The following GRIK2 variants were observed in gnomAD, a reference collection of about 807,000 sequenced individuals.
GRIK2 encodes the protein glutamate ionotropic receptor kainate type subunit 2.
In GRIK2, 32 loss-of-function variants were observed where a neutral mutation model predicts 100.3. That is an observed-to-expected ratio of 0.32 (90% CI 0.24 to 0.43). The LOEUF is 0.43. Among genes scored for constraint, GRIK2 ranks in the 20% least tolerant of loss-of-function variants. The probability of loss-of-function intolerance (pLI) is 1.00; values close to 1 mark genes in which losing one functional copy is unlikely to be tolerated. For synonymous variants in GRIK2, 417 were observed against 389.4 expected (o/e 1.07, Z -0.83); for missense variants, 843 against 1,114.9 (o/e 0.76, Z 3.47).
chr6:101,537,461 T>TGTGC (rs1775768386), intron 2 of GRIK2, among the ~76,000 whole-genome samples: 1 of 150,930 alleles, frequency 6.6e-6, no homozygotes, highest in Admixed American at 6.7e-5. Context: ...TGTGCGTGTG[T>TGTGC]GTGTGTGTGT....
At position 101,992,519 on chromosome 6, in the gene GRIK2, T is replaced by A. The variant is rs1403045327; in HGVS notation, c.2086-42822T>A. On this transcript the variant is annotated intron_variant, in intron 14 of 16. Transcript: ENST00000369134. Reference sequence around the variant, plus strand: ...AATGCTTAATGCAGCTCCACTTTGGTATTAATCAGACTGTATGTGGGTGAG... The same window carrying A: ...AATGCTTAATGCAGCTCCACTTTGGAATTAATCAGACTGTATGTGGGTGAG... Among the ~76,000 whole-genome samples, 3 of 151,618 alleles carry A rather than the reference T, an allele frequency of 2.0e-5. No individual in the cohort carries two copies. The Admixed American group carries it at 2.0e-4, about 10-fold the overall frequency.
intron 14 of GRIK2, among the ~76,000 whole-genome samples, chr6:102,016,554 A>T (rs1166346538): frequency 6.6e-6 from 1 of 151,354 alleles, no homozygotes; most frequent in Non-Finnish European, 1.5e-5. Context: ...AAAAATAAAT[A>T]AAAAAATTCA....
intron 7 of GRIK2, among the ~76,000 whole-genome samples, chr6:101,775,744 A>G (rs183607678): frequency 6.6e-6 from 1 of 151,670 alleles, no homozygotes; most frequent in African/African-American, 2.4e-5. Flanking sequence ...AGATTTCTTC[A>G]TATATATATG....
intron 14 of GRIK2, among the ~76,000 whole-genome samples, chr6:101,998,229 A>G (rs866633247): frequency 6.6e-6 from 1 of 152,264 alleles, no homozygotes; most frequent in Non-Finnish European, 1.5e-5. Context: ...TTTAAAACTT[A>G]TGAATTGTTA....
intron 14 of GRIK2, among the ~76,000 whole-genome samples, chr6:101,942,663 T>C (rs1046245707): frequency 1.3e-5 from 2 of 152,146 alleles, no homozygotes; most frequent in Non-Finnish European, 2.9e-5. Context: ...TTGAGCTTGA[T>C]AGAGATGATT....
rs2518304 is a variant in GRIK2 at position 101,706,436 on chromosome 6, G to A, written c.951+20083G>A. Among the ~76,000 whole-genome samples, 461 of 151,696 alleles carry A rather than the reference G, an allele frequency of 3.0e-3. 4 individuals are homozygous for A. The highest frequency in any genetic ancestry group is 0.011 in the African/African-American group (454 of 41,402). Reference sequence around the variant, plus strand: ...TATCTATACTATGCAAACATTGATGGCTTTTTAAAATTTATTTTATATTAT... The same window carrying A: ...TATCTATACTATGCAAACATTGATGACTTTTTAAAATTTATTTTATATTAT... On this transcript the variant is annotated intron_variant, in intron 7 of 16. Coordinates refer to ENST00000369134, the MANE Select transcript of GRIK2 (RefSeq NM_021956.5).
intron 12 of GRIK2, among the ~76,000 whole-genome samples, chr6:101,903,193 G>C (rs1018669046): frequency 4.0e-5 from 6 of 151,812 alleles, no homozygotes; most frequent in African/African-American, 1.4e-4. Flanking sequence ...ATTTTGCTTA[G>C]ATCGCCCTAG....
intron 7 of GRIK2, among the ~76,000 whole-genome samples, chr6:101,693,948 A>T (rs1772293355): frequency 6.6e-6 from 1 of 152,102 alleles, no homozygotes; most frequent in South Asian, 2.1e-4. Flanking sequence ...CACCAATGAT[A>T]TGAGGAAGTC....
chr6:102,031,708 C>G (rs867202517), intron 14 of GRIK2, among the ~76,000 whole-genome samples: 2 of 151,244 alleles, frequency 1.3e-5, no homozygotes, highest in Non-Finnish European at 3.0e-5. Context: ...TATCTGAGAA[C>G]GTGCAATATT....
chr6:101,577,317 CTA>C (rs1439552719), intron 2 of GRIK2, among the ~76,000 whole-genome samples: 1 of 151,892 alleles, frequency 6.6e-6, no homozygotes, highest in Non-Finnish European at 1.5e-5. Context: ...TCATAAAAAG[CTA>C]TATGAATGGT....
intron 15 of GRIK2, among the ~76,000 whole-genome samples, chr6:102,047,332 T>G (rs1770945965): frequency 6.6e-6 from 1 of 151,910 alleles, no homozygotes; most frequent in Admixed American, 6.6e-5. Flanking sequence ...GAGAGGCGAC[T>G]CAAAATCAGA....
At chr6:101,429,679 T>C (rs1769268122) in intron 2 of GRIK2, among the ~76,000 whole-genome samples, 1 of 152,148 alleles carries the variant, frequency 6.6e-6, no homozygotes. Flanking sequence ...AGAGGGTTTT[T>C]TTCTTTTTTT....
At chr6:101,427,457 A>T (rs1769100309) in intron 2 of GRIK2, among the ~76,000 whole-genome samples, 1 of 152,184 alleles carries the variant, frequency 6.6e-6, no homozygotes, top group Non-Finnish European at 1.5e-5. Flanking sequence ...TAGCTGGAAA[A>T]TGTGCATGAA....
chr6:101,538,858 G>T (rs1273968764), intron 2 of GRIK2, among the ~76,000 whole-genome samples: 4 of 151,704 alleles, frequency 2.6e-5, no homozygotes, highest in African/African-American at 4.8e-5. Flanking sequence ...TGAATGTTTT[G>T]TGAAATTTAT....
intron 2 of GRIK2, among the ~76,000 whole-genome samples, chr6:101,473,690 T>C (rs1772072183): frequency 6.6e-6 from 1 of 151,894 alleles, no homozygotes; most frequent in African/African-American, 2.4e-5. Flanking sequence ...TGCTGCCAGT[T>C]ATGGGACTGT....
intron 2 of GRIK2, among the ~76,000 whole-genome samples, chr6:101,597,882 G>A (rs758466265): frequency 2.0e-5 from 3 of 151,612 alleles, no homozygotes; most frequent in African/African-American, 7.3e-5. Context: ...CTGCGGTGGC[G>A]CTGGTATTTT....
intron 15 of GRIK2, among the ~76,000 whole-genome samples, chr6:102,042,386 T>C (rs149059936): frequency 3.3e-5 from 5 of 151,700 alleles, no homozygotes; most frequent in Admixed American, 6.6e-5. Flanking sequence ...CTTTCTTTTT[T>C]AGAAGAAAGA....
At chr6:101,744,937 T>G (rs1357345451) in intron 7 of GRIK2, 1 of 152,126 alleles carries the variant, frequency 6.6e-6, no homozygotes, top group African/African-American at 2.4e-5. Flanking sequence ...TCCATATGTT[T>G]GCAACTGCAA....
chr6:101,485,121 T>C (rs1394481547), intron 2 of GRIK2, among the ~76,000 whole-genome samples: 1 of 152,216 alleles, frequency 6.6e-6, no homozygotes, highest in Non-Finnish European at 1.5e-5. Flanking sequence ...GGTCTAAGTA[T>C]TAGTATACTA....
Sources: allele counts gnomAD v4.1 joint callset (sites outside exome capture counted in the v4.1 genomes callset), GRCh38; gene constraint gnomAD v4.1.1; transcripts MANE v1.5; gene names NCBI Gene and HGNC (gene_info 2026-07-23, HGNC 2026-07-21).